Variants in CBLB observed in about 807,000 individuals in gnomAD.
The protein encoded by CBLB is E3 ubiquitin-protein ligase CBL-B.
Under a neutral mutation model 104.9 loss-of-function variants are expected in CBLB, and 31 were observed. That is an observed-to-expected ratio of 0.30 (90% confidence interval 0.22 to 0.40). The LOEUF (loss-of-function observed/expected upper bound fraction) is 0.40. Among genes scored for constraint, CBLB ranks in the 10% least tolerant of loss-of-function variants. The pLI, the probability that CBLB is intolerant of heterozygous loss-of-function variation, is 1.00. For missense variants in CBLB, 1,062 were observed against 1,214.6 expected (o/e 0.87, Z 1.87); for synonymous variants, 440 against 422.6 (o/e 1.04, Z -0.51).
intron 10 of CBLB, among the ~76,000 whole-genome samples, chr3:105,704,497 C>T (rs926466689): frequency 1.5e-4 from 23 of 152,094 alleles, no homozygotes; most frequent in African/African-American, 5.6e-4. Context: ...AATCCAGAAA[C>T]ACATAATGCA....
At chr3:105,868,428 G>A (rs997121859) in intron 1 of CBLB, 8 of 388,636 alleles carry the variant, frequency 2.1e-5, no homozygotes, top group African/African-American at 1.7e-4. Context: ...GGGACAAAGT[G>A]TCCCTCCCGT....
At chr3:105,837,200 G>A (rs768026138) in intron 3 of CBLB, among the ~76,000 whole-genome samples, 13 of 152,190 alleles carry the variant, frequency 8.5e-5, no homozygotes, top group East Asian at 5.8e-4. Context: ...TTGTGCACGC[G>A]TATTAATGCA....
intron 10 of CBLB, among the ~76,000 whole-genome samples, chr3:105,705,378 T>C (rs1445025290): frequency 1.3e-5 from 2 of 152,318 alleles, no homozygotes; most frequent in African/African-American, 2.4e-5. Context: ...ATACCCAATG[T>C]CCTTTTTCTT....
At chr3:105,746,583 T>C (rs1046938658) in intron 5 of CBLB, among the ~76,000 whole-genome samples, 5 of 152,174 alleles carry the variant, frequency 3.3e-5, no homozygotes, top group African/African-American at 4.8e-5. Flanking sequence ...TGAATTTTCT[T>C]CCCCCAAATA....
chr3:105,782,486 A>G (rs1406562181), intron 3 of CBLB, among the ~76,000 whole-genome samples: 1 of 151,976 alleles, frequency 6.6e-6, no homozygotes, highest in African/African-American at 2.4e-5. Context: ...CTCATCCACC[A>G]CTAGCACAGC....
In CBLB at chr3:105,716,183, T is replaced by G. The variant is rs540422094; in HGVS notation, c.1407+3864A>C. Among the ~76,000 whole-genome samples the G allele has an allele frequency of 1.8e-4, 28 of 152,342 alleles. No individual in the cohort carries two copies. The South Asian group carries it at 5.8e-3, about 32-fold the overall frequency. On this transcript the variant is annotated intron_variant, in intron 10 of 18. Transcript: ENST00000394030. ...AAGAACTACTGTGTCAAAATGACCATGTGACATTTGTTTATAACCACTCCT... is the reference window on the plus strand; with the variant it reads ...AAGAACTACTGTGTCAAAATGACCAGGTGACATTTGTTTATAACCACTCCT...
At chr3:105,790,649 G>GA (rs1224768662) in intron 3 of CBLB, among the ~76,000 whole-genome samples, 2 of 152,138 alleles carry the variant, frequency 1.3e-5, no homozygotes, top group Non-Finnish European at 2.9e-5. Flanking sequence ...CACTCTAACT[G>GA]TACAACTAAG....
chr3:105,688,511 C>T (rs1408127304), intron 13 of CBLB, among the ~76,000 whole-genome samples: 1 of 152,042 alleles, frequency 6.6e-6, no homozygotes, highest in Non-Finnish European at 1.5e-5. Flanking sequence ...AATTAGTAAG[C>T]TTGTTTTCTA....
chr3:105,694,687 G>A (rs925627138), intron 12 of CBLB, among the ~76,000 whole-genome samples: 10 of 151,782 alleles, frequency 6.6e-5, no homozygotes, highest in African/African-American at 2.2e-4. Flanking sequence ...ATCAACGTTC[G>A]TATTTCAAAG....
At chr3:105,803,538 T>C (rs1037941906) in intron 3 of CBLB, among the ~76,000 whole-genome samples, 1 of 152,180 alleles carries the variant, frequency 6.6e-6, no homozygotes, top group Non-Finnish European at 1.5e-5. Context: ...ACTTCCACCA[T>C]TCTCAAGTCG....
chr3:105,688,426 A>G (rs553545240), intron 13 of CBLB, among the ~76,000 whole-genome samples: 6 of 152,172 alleles, frequency 3.9e-5, no homozygotes, highest in South Asian at 4.1e-4. Flanking sequence ...TCTTCTACAT[A>G]TGCACACTTG....
rs746111539 is a variant in CBLB, at chr3:105,702,335, C to T, written c.1718G>A (p.Arg573Lys). The change falls in exon 12 of 19, where the codon AGA (arginine) becomes AAA (lysine). Residue 573 changes from arginine (R) to lysine (K), a missense_variant. Physicochemically the swap from Arg to Lys is conservative, Grantham distance 26. Coordinates refer to ENST00000394030, the MANE Select transcript of CBLB (RefSeq NM_170662.5). ...PPIPPDNRLS[R>K]HIHHVESVPS... ...CACGCTTTCCACATGATGGATGTGT[C>T]TACTCAGTCTATTGTCTGGTGGGAT... The T allele has an allele frequency of 5.0e-6, 8 of 1,613,834 alleles. No individual in the cohort carries two copies. The highest frequency in any genetic ancestry group is 3.4e-6 in the Non-Finnish European group (4 of 1,180,008).
chr3:105,752,326 G>C (rs547997041), intron 4 of CBLB, among the ~76,000 whole-genome samples: 1 of 152,112 alleles, frequency 6.6e-6, no homozygotes, highest in Non-Finnish European at 1.5e-5. Context: ...GCACAGAATG[G>C]TAACTAGGGA....
chr3:105,706,178 A>G (rs1158945102), intron 10 of CBLB, among the ~76,000 whole-genome samples: 1 of 152,050 alleles, frequency 6.6e-6, no homozygotes, highest in Admixed American at 6.6e-5. Flanking sequence ...TGAGTAGCTA[A>G]ACAGAAGACT....
chr3:105,800,430 T>G (rs572484689), intron 3 of CBLB, among the ~76,000 whole-genome samples: 1 of 152,074 alleles, frequency 6.6e-6, no homozygotes, highest in African/African-American at 2.4e-5. Flanking sequence ...GAGCCTACCA[T>G]TACCAGGGCC....
chr3:105,763,759 T>C (rs1453266501), intron 4 of CBLB, among the ~76,000 whole-genome samples: 1 of 152,198 alleles, frequency 6.6e-6, no homozygotes, highest in East Asian at 1.9e-4. Context: ...AGAATGAGAT[T>C]CTACTCTTCT....
chr3:105,753,711 A>G (rs939799573), intron 4 of CBLB, among the ~76,000 whole-genome samples: 1 of 152,214 alleles, frequency 6.6e-6, no homozygotes, highest in Non-Finnish European at 1.5e-5. Flanking sequence ...TGTATAACAT[A>G]TAAAGTTTTT....
Position 105,734,291 on chromosome 3 carries a change from T to A in CBLB, c.1072-151A>T, listed in dbSNP as rs2074664035. On this transcript the variant is annotated intron_variant, in intron 8 of 18. Transcript: ENST00000394030. ...TTACCATTTGAGACATGTTTTGAAT[T>A]GATAATCACAATTTGGTCTACAAAA... 6.4e-6 allele frequency: 5 copies of A among 780,246 alleles called. No individual in the cohort carries two copies. The East Asian group carries it at 1.4e-4, about 21-fold the overall frequency. The allele number at this position is 780,246 out of a possible 1,614,324, so 48.3% of individuals were successfully genotyped here. A position where few individuals can be genotyped will look rare whatever the true frequency, so the allele number is the denominator to read the frequency against.
At chr3:105,734,179 A>T in intron 8 of CBLB, 39 bp from the exon 9 acceptor site, 1 of 1,607,784 alleles carries the variant, frequency 6.2e-7, no homozygotes, top group Non-Finnish European at 8.5e-7. Context: ...ATGTTAATGT[A>T]TTTCCAGCAC....
Sources: gnomAD v4.1 joint callset for allele counts (sites outside exome capture counted in the v4.1 genomes callset) on GRCh38, gnomAD v4.1.1 for gene constraint, MANE v1.5 for transcripts, NCBI Gene and HGNC (gene_info 2026-07-23, HGNC 2026-07-21) for gene names.